RNF180: variants seen among roughly 807,000 people sequenced by gnomAD.
The protein encoded by RNF180 is ring finger protein 180.
In RNF180, 38 loss-of-function variants were observed where a neutral mutation model predicts 59.2. The ratio of observed to expected loss-of-function variants is 0.64; its 90% CI spans 0.50 to 0.84. The LOEUF (loss-of-function observed/expected upper bound fraction) is 0.84, where lower values mean the gene tolerates loss of function less well. RNF180 is among the 40% of genes least tolerant of loss of function. The probability of loss-of-function intolerance (pLI) is 0.00; values close to 1 mark genes in which losing one functional copy is unlikely to be tolerated. For synonymous variants in RNF180, 262 were observed against 240.3 expected, an observed-to-expected ratio of 1.09 and a Z score of -0.84; for missense variants, 705 against 700.9, an observed-to-expected ratio of 1.01 and a Z score of -0.07.
intron 7 of RNF180, among the ~76,000 whole-genome samples, chr5:64,361,371 A>T (rs1199543760): frequency 6.6e-6 from 1 of 151,570 alleles, no homozygotes; most frequent in Non-Finnish European, 1.5e-5. Flanking sequence ...ACAGTAGAAA[A>T]ATTCACAAGT....
intron 5 of RNF180, among the ~76,000 whole-genome samples, chr5:64,247,772 T>C (rs781374681): frequency 1.4e-4 from 21 of 152,220 alleles, no homozygotes; most frequent in Non-Finnish European, 2.9e-4. Context: ...AAATTTCTTA[T>C]GGAACCAAGA....
At chr5:64,238,746 G>T (rs1192455187) in intron 5 of RNF180, among the ~76,000 whole-genome samples, 2 of 152,126 alleles carry the variant, frequency 1.3e-5, no homozygotes, top group Non-Finnish European at 2.9e-5. Flanking sequence ...CCTTATCAGA[G>T]ATATGGTTTG....
At chr5:64,274,565 T>TC (rs1741607510) in intron 5 of RNF180, among the ~76,000 whole-genome samples, 1 of 152,068 alleles carries the variant, frequency 6.6e-6, no homozygotes, top group Non-Finnish European at 1.5e-5. Context: ...TTTGATTTTC[T>TC]GTGATCTTAT....
At chr5:64,197,293 C>T (rs1298658413) in intron 1 of RNF180, among the ~76,000 whole-genome samples, 1 of 152,192 alleles carries the variant, frequency 6.6e-6, no homozygotes, top group African/African-American at 2.4e-5. Flanking sequence ...TCAAAAACAA[C>T]ACTTTTGAGA....
At chr5:64,209,729 C>T (rs1201068495) in intron 2 of RNF180, among the ~76,000 whole-genome samples, 1 of 152,044 alleles carries the variant, frequency 6.6e-6, no homozygotes, top group Non-Finnish European at 1.5e-5. Flanking sequence ...GAAAAGATTA[C>T]TTCATTTGTC....
Position 64,357,578 on chromosome 5 carries a change from AT to A in RNF180, c.1580-12035del, listed in dbSNP as rs533508600. ...TTAGGACAGTCTCAAAAATATGCTAATTATTCATTTTATTCTCTAAAGTCTG... is the reference window on the plus strand; with the variant it reads ...TTAGGACAGTCTCAAAAATATGCTAATATTCATTTTATTCTCTAAAGTCTG... On this transcript the variant is annotated intron_variant, in intron 7 of 7. Coordinates refer to ENST00000389100, the MANE Select transcript of RNF180 (RefSeq NM_001113561.2). 4.3e-4 allele frequency among the ~76,000 whole-genome samples: 66 copies of A among 151,938 alleles called. No homozygotes were observed. In the South Asian group the frequency reaches 9.5e-3, roughly 22 times the overall value.
At chr5:64,278,911 T>C (rs1021676059) in intron 5 of RNF180, among the ~76,000 whole-genome samples, 3 of 152,132 alleles carry the variant, frequency 2.0e-5, no homozygotes. Flanking sequence ...TGAGCTGCTG[T>C]GCCTGGTATG....
intron 1 of RNF180, among the ~76,000 whole-genome samples, chr5:64,171,736 G>A (rs1244240090): frequency 2.6e-5 from 4 of 152,192 alleles, no homozygotes. Context: ...GACCTTTGGA[G>A]TACCAAGTGG....
chr5:64,186,266 A>G (rs763603146), intron 1 of RNF180, among the ~76,000 whole-genome samples: 45 of 152,176 alleles, frequency 3.0e-4, no homozygotes, highest in Non-Finnish European at 6.5e-4. Flanking sequence ...AGAAGAATAT[A>G]TCTAGTAAGA....
At chr5:64,192,900 C>CATTTAT (rs1174084249) in intron 1 of RNF180, among the ~76,000 whole-genome samples, 1 of 32,852 alleles carries the variant, frequency 3.0e-5, no homozygotes, top group African/African-American at 1.1e-4. Flanking sequence ...GAAAGTGTGG[C>CATTTAT]ATGTATATAT....
At chr5:64,297,485 A>G (rs1742944978) in intron 5 of RNF180, among the ~76,000 whole-genome samples, 1 of 151,850 alleles carries the variant, frequency 6.6e-6, no homozygotes, top group Admixed American at 6.6e-5. Context: ...GTTGATTTTT[A>G]TTTTAAATTT....
intron 5 of RNF180, among the ~76,000 whole-genome samples, chr5:64,231,587 A>G (rs998294775): frequency 6.6e-6 from 1 of 152,214 alleles, no homozygotes; most frequent in Non-Finnish European, 1.5e-5. Flanking sequence ...CATTATGCGA[A>G]ATATTGAAGC....
At chr5:64,322,104 A>G (rs956499373) in intron 5 of RNF180, among the ~76,000 whole-genome samples, 7 of 152,232 alleles carry the variant, frequency 4.6e-5, no homozygotes, top group Non-Finnish European at 5.9e-5. Context: ...ATGGGCAAAG[A>G]TTTAATTATG....
chr5:64,258,874 G>A (rs1049600131), intron 5 of RNF180, among the ~76,000 whole-genome samples: 22 of 152,148 alleles, frequency 1.4e-4, no homozygotes, highest in African/African-American at 5.1e-4. Flanking sequence ...ATTAAGGGAT[G>A]GAATAAAGAA....
chr5:64,367,394 G>T (rs1442509272), intron 7 of RNF180, among the ~76,000 whole-genome samples: 2 of 151,560 alleles, frequency 1.3e-5, no homozygotes, highest in African/African-American at 4.8e-5. Flanking sequence ...TACAAATATT[G>T]TGTAGCAGTA....
At chr5:64,337,465 T>G (rs1745175836) in intron 7 of RNF180, among the ~76,000 whole-genome samples, 1 of 152,224 alleles carries the variant, frequency 6.6e-6, no homozygotes, top group South Asian at 2.1e-4. Context: ...GATTTTTATA[T>G]GGTTTCCTAT....
At chr5:64,267,892 G>A (rs1198078489) in intron 5 of RNF180, among the ~76,000 whole-genome samples, 1 of 152,116 alleles carries the variant, frequency 6.6e-6, no homozygotes, top group East Asian at 1.9e-4. Context: ...AGTGTCACAG[G>A]TAGTGCTGAT....
chr5:64,321,261 T>C (rs1276436571), intron 5 of RNF180, among the ~76,000 whole-genome samples: 1 of 152,172 alleles, frequency 6.6e-6, no homozygotes, highest in Non-Finnish European at 1.5e-5. Flanking sequence ...CATGATTCTA[T>C]ATTTAGAAAT....
chr5:64,307,437 TATTCTC>T (rs1376828704), intron 5 of RNF180, among the ~76,000 whole-genome samples: 2 of 151,578 alleles, frequency 1.3e-5, no homozygotes, highest in African/African-American at 4.8e-5. Flanking sequence ...TTGAAATCCT[TATTCTC>T]TAACTGAGAA....
Sources: allele counts gnomAD v4.1 joint callset (sites outside exome capture counted in the v4.1 genomes callset), GRCh38; gene constraint gnomAD v4.1.1; transcripts MANE v1.5; gene names NCBI Gene and HGNC (gene_info 2026-07-23, HGNC 2026-07-21).